ZCWPW2: variants seen among roughly 807,000 people sequenced by gnomAD.
ZCWPW2 encodes the protein zinc finger CW-type PWWP domain protein 2.
In ZCWPW2, 45 loss-of-function variants were observed where a neutral mutation model predicts 46.6. The observed-to-expected ratio is 0.96, with a 90% CI of 0.76 to 1.24. ZCWPW2 has a LOEUF of 1.24. Among genes scored for constraint, ZCWPW2 ranks in the 50% most tolerant of loss-of-function variants. The probability of loss-of-function intolerance (pLI) is 0.00; values close to 1 mark genes in which losing one functional copy is unlikely to be tolerated. For synonymous variants in ZCWPW2, 152 were observed against 137.1 expected (o/e 1.11, Z -0.76); for missense variants, 429 against 403.9 (o/e 1.06, Z -0.53).
At position 28,350,436 on chromosome 3, in the gene ZCWPW2, TGA is replaced by T. The variant is rs534274618; in HGVS notation, c.-134+1239_-134+1240del. ...AATCAGTATTTTGAAGTTTATCTGGTGAGAGAGTCAATTTTTGTTTCACAGTG... is the reference window on the plus strand; with the variant it reads ...AATCAGTATTTTGAAGTTTATCTGGTGAGAGTCAATTTTTGTTTCACAGTG... On this transcript the variant is annotated intron_variant, in intron 1 of 9. Coordinates refer to ENST00000383768, the MANE Select transcript of ZCWPW2 (RefSeq NM_001040432.4). Among the ~76,000 whole-genome samples, 209 of 152,340 alleles carry T rather than the reference TGA, an allele frequency of 1.4e-3. 1 individual carries two copies. The highest frequency in any genetic ancestry group is 2.5e-3 in the Non-Finnish European group (169 of 68,018).
At chr3:28,367,298 C>G (rs998346248) in intron 1 of ZCWPW2, among the ~76,000 whole-genome samples, 2 of 152,170 alleles carry the variant, frequency 1.3e-5, no homozygotes, top group Non-Finnish European at 2.9e-5. Flanking sequence ...ATAAATTTCC[C>G]TCTACACACT....
chr3:28,515,516 G>T lies in ZCWPW2; in HGVS notation c.717-38G>T. The T allele has an allele frequency of 2.1e-6, 3 of 1,459,222 alleles. No homozygotes were observed. The South Asian group carries it at 3.6e-5, about 17-fold the overall frequency. The allele number at this position is 1,459,222 out of a possible 1,614,324, so 90.4% of individuals were successfully genotyped here. ...AATGGTCATTTAAATATTCATGATT[G>T]ATCTTTTGAAACTAAATCTGTCAAA... is the stretch of plus-strand genomic sequence containing the variant. On this transcript the variant is annotated intron_variant, in intron 7 of 9. Coordinates refer to ENST00000383768, the MANE Select transcript of ZCWPW2 (RefSeq NM_001040432.4).
intron 5 of ZCWPW2, among the ~76,000 whole-genome samples, chr3:28,491,647 A>G (rs1363273130): frequency 6.6e-6 from 1 of 152,054 alleles, no homozygotes; most frequent in Non-Finnish European, 1.5e-5. Context: ...GGCAGGGTAC[A>G]TTATTTATCT....
intron 4 of ZCWPW2, among the ~76,000 whole-genome samples, chr3:28,454,568 A>T (rs1698354814): frequency 1.3e-5 from 2 of 152,138 alleles, no homozygotes; most frequent in Admixed American, 1.3e-4. Flanking sequence ...TTTGCAGCAC[A>T]GGTCATCCCA....
At chr3:28,434,988 A>G in intron 3 of ZCWPW2, 122 bp from the exon 4 acceptor site, 1 of 953,308 alleles carries the variant, frequency 1.0e-6, no homozygotes, top group Non-Finnish European at 1.6e-6. Context: ...TATAAGTAGG[A>G]ATATATGTTT....
At chr3:28,505,687 C>G (rs112954348) in intron 6 of ZCWPW2, among the ~76,000 whole-genome samples, 3,639 of 152,138 alleles carry the variant, frequency 0.024, 75 homozygotes, top group South Asian at 0.085. Context: ...TGACTTTTAA[C>G]AAGGAGTTTG....
At chr3:28,398,664 A>AC (rs1490044130) in intron 2 of ZCWPW2, among the ~76,000 whole-genome samples, 1 of 151,948 alleles carries the variant, frequency 6.6e-6, no homozygotes, top group African/African-American at 2.4e-5. Context: ...CCAAATACAC[A>AC]CCCCCATGGA....
At chr3:28,439,841 CAAAG>C (rs138316708) in intron 4 of ZCWPW2, among the ~76,000 whole-genome samples, 1 of 152,284 alleles carries the variant, frequency 6.6e-6, no homozygotes, top group East Asian at 1.9e-4. Flanking sequence ...ATGTTTTTAA[CAAAG>C]AAAGAGCAAA....
intron 6 of ZCWPW2, among the ~76,000 whole-genome samples, chr3:28,494,411 C>G: frequency 7.3e-6 from 1 of 136,922 alleles, no homozygotes; most frequent in African/African-American, 2.7e-5. Flanking sequence ...ATAGGGAATC[C>G]TTTCCCCATT....
At chr3:28,380,745 G>A (rs1695016691) in intron 1 of ZCWPW2, among the ~76,000 whole-genome samples, 1 of 151,272 alleles carries the variant, frequency 6.6e-6, no homozygotes, top group African/African-American at 2.4e-5. Context: ...TCCCTACATG[G>A]AATATGTCAG....
At chr3:28,499,407 A>G (rs1204151364) in intron 6 of ZCWPW2, among the ~76,000 whole-genome samples, 1 of 151,984 alleles carries the variant, frequency 6.6e-6, no homozygotes, top group East Asian at 1.9e-4. Context: ...AGTGATGATG[A>G]GCTTTTTTTC....
chr3:28,374,947 CG>C (rs1705454891), intron 1 of ZCWPW2, among the ~76,000 whole-genome samples: 1 of 149,406 alleles, frequency 6.7e-6, no homozygotes, highest in Non-Finnish European at 1.5e-5. Flanking sequence ...TATTATATTA[CG>C]GTCTCTCTCT....
intron 6 of ZCWPW2, among the ~76,000 whole-genome samples, chr3:28,495,388 T>C (rs2125819969): frequency 6.6e-6 from 1 of 152,256 alleles, no homozygotes; most frequent in African/African-American, 2.4e-5. Flanking sequence ...TAGGTTTATT[T>C]CAATCTTTGC....
At chr3:28,355,387 A>G (rs567108442) in intron 1 of ZCWPW2, among the ~76,000 whole-genome samples, 165 of 152,370 alleles carry the variant, frequency 1.1e-3, no homozygotes, top group African/African-American at 3.6e-3. Context: ...ATGCTCATGG[A>G]TAGGAAGAAT....
At chr3:28,375,417 TCTTC>T (rs1294696921) in intron 1 of ZCWPW2, among the ~76,000 whole-genome samples, 1 of 152,074 alleles carries the variant, frequency 6.6e-6, no homozygotes, top group African/African-American at 2.4e-5. Context: ...GTAACTCCTC[TCTTC>T]CTTTCATTCT....
At chr3:28,432,881 A>T (rs184063640) in intron 3 of ZCWPW2, among the ~76,000 whole-genome samples, 1 of 152,174 alleles carries the variant, frequency 6.6e-6, no homozygotes. Context: ...GTTTTATTTC[A>T]CTGAAAGCAC....
rs191390364 is a variant in ZCWPW2, at chr3:28,363,226, A to T, written c.-134+14023A>T. Among the ~76,000 whole-genome samples, 274 of 152,218 alleles carry T rather than the reference A, an allele frequency of 1.8e-3. 3 individuals carry two copies. Among genetic ancestry groups the T allele is most frequent in the African/African-American group, 5.9e-3 (247 of 41,556 alleles). ...TAAAATAAAAGTTAAAATATTTTTT[A>T]AAAAAAGAATAACAAAATAACTGAT... On this transcript the variant is annotated intron_variant, in intron 1 of 9. Transcript: ENST00000383768.
intron 4 of ZCWPW2, among the ~76,000 whole-genome samples, chr3:28,466,205 A>G (rs1212876566): frequency 6.6e-6 from 1 of 152,162 alleles, no homozygotes; most frequent in Non-Finnish European, 1.5e-5. Context: ...TGGGAGGACA[A>G]TGAAGATAGA....
At chr3:28,395,557 A>G (rs978460107) in intron 2 of ZCWPW2, among the ~76,000 whole-genome samples, 4 of 152,146 alleles carry the variant, frequency 2.6e-5, no homozygotes, top group African/African-American at 9.6e-5. Context: ...TTTTACATAC[A>G]ATGGAATATT....
Sources: allele counts gnomAD v4.1 joint callset (sites outside exome capture counted in the v4.1 genomes callset), GRCh38; gene constraint gnomAD v4.1.1; transcripts MANE v1.5; gene names NCBI Gene and HGNC (gene_info 2026-07-23, HGNC 2026-07-21).